Variants in HYCC2 observed in about 807,000 individuals in gnomAD.
HYCC2 encodes hyccin 2.
chr2:201,028,573 G>A, the HYCC2 span, among the ~76,000 whole-genome samples: 1 of 152,098 alleles, frequency 6.6e-6, no homozygotes, highest in Non-Finnish European at 1.5e-5. Flanking sequence ...ATACTACAAG[G>A]CTACAGTAAC....
chr2:200,984,353 T>C, the HYCC2 span, among the ~76,000 whole-genome samples: 262 of 152,294 alleles, frequency 1.7e-3, no homozygotes, highest in African/African-American at 6.0e-3. Flanking sequence ...TTAGTAATAA[T>C]CTTAACTCCA....
the HYCC2 span, chr2:200,992,286 G>C: frequency 6.3e-7 from 1 of 1,589,594 alleles, no homozygotes; most frequent in Non-Finnish European, 8.6e-7. Flanking sequence ...CTTACCAATA[G>C]TGGTTGAGAA....
the HYCC2 span, among the ~76,000 whole-genome samples, chr2:201,005,096 G>T: frequency 1.3e-5 from 2 of 151,822 alleles, no homozygotes; most frequent in Non-Finnish European, 2.9e-5. Flanking sequence ...AAGCAATTGC[G>T]TGGAATGAAA....
the HYCC2 span, among the ~76,000 whole-genome samples, chr2:200,987,946 T>G: frequency 3.3e-5 from 5 of 152,336 alleles, no homozygotes; most frequent in Admixed American, 3.3e-4. Context: ...AGTGCTCATA[T>G]GTGCACCTTT....
At chr2:201,013,395 C>T in the HYCC2 span, among the ~76,000 whole-genome samples, 2 of 151,192 alleles carry the variant, frequency 1.3e-5, no homozygotes, top group African/African-American at 4.9e-5. Flanking sequence ...ACTTGAACCC[C>T]GGAAGTAAAC....
chr2:200,991,303 C>G, the HYCC2 span, among the ~76,000 whole-genome samples: 1 of 151,970 alleles, frequency 6.6e-6, no homozygotes, highest in Non-Finnish European at 1.5e-5. Context: ...AACTCCATCT[C>G]TACTAAAAAT....
the HYCC2 span, among the ~76,000 whole-genome samples, chr2:201,049,939 A>G: frequency 3.3e-5 from 5 of 152,046 alleles, no homozygotes; most frequent in African/African-American, 1.2e-4. Context: ...GGCTCAGGCA[A>G]TCCTCCTGCC....
the HYCC2 span, among the ~76,000 whole-genome samples, chr2:201,036,601 C>A: frequency 6.6e-6 from 1 of 152,152 alleles, no homozygotes; most frequent in Non-Finnish European, 1.5e-5. Context: ...AAACGCAAAT[C>A]AATAAAAGTA....
chr2:201,003,995 A>G, the HYCC2 span, among the ~76,000 whole-genome samples: 3 of 151,662 alleles, frequency 2.0e-5, no homozygotes, highest in Non-Finnish European at 4.4e-5. Context: ...TTGTATTTTT[A>G]GTGAGACAGG....
chr2:201,035,191 G>A, the HYCC2 span, among the ~76,000 whole-genome samples: 9 of 152,220 alleles, frequency 5.9e-5, no homozygotes, highest in Admixed American at 5.9e-4. Context: ...ATCTCCTGCA[G>A]AGTGTTTTCC....
At chr2:200,977,182 T>G in the HYCC2 span, 3 of 152,204 alleles carry the variant, frequency 2.0e-5, no homozygotes, top group African/African-American at 7.2e-5. Context: ...TTTTCTGGAT[T>G]TAACACTTTT....
the HYCC2 span, among the ~76,000 whole-genome samples, chr2:201,035,134 T>A: frequency 6.6e-6 from 1 of 152,176 alleles, no homozygotes; most frequent in Admixed American, 6.6e-5. Flanking sequence ...ATTTCCTGAA[T>A]TTGAATGTTG....
At chr2:201,034,555 T>C in the HYCC2 span, among the ~76,000 whole-genome samples, 3 of 152,174 alleles carry the variant, frequency 2.0e-5, no homozygotes, top group Admixed American at 6.5e-5. Flanking sequence ...CTTGACTCTT[T>C]ATCCAATTTG....
At chr2:201,022,655 C>A in the HYCC2 span, 2 of 432,712 alleles carry the variant, frequency 4.6e-6, no homozygotes, top group East Asian at 7.7e-5. Context: ...CAAAACATTT[C>A]AAAATATGGA....
the HYCC2 span, among the ~76,000 whole-genome samples, chr2:201,025,935 T>A: frequency 6.6e-6 from 1 of 152,120 alleles, no homozygotes; most frequent in Non-Finnish European, 1.5e-5. Flanking sequence ...TGCGCTAATA[T>A]CATGATAGGA....
At chr2:201,027,187 T>C in the HYCC2 span, among the ~76,000 whole-genome samples, 1 of 152,070 alleles carries the variant, frequency 6.6e-6, no homozygotes, top group Non-Finnish European at 1.5e-5. Context: ...TATAAACAAT[T>C]CTACGCAAAT....
chr2:201,047,361 T>C, the HYCC2 span, among the ~76,000 whole-genome samples: 1 of 148,768 alleles, frequency 6.7e-6, no homozygotes, highest in Non-Finnish European at 1.5e-5. Flanking sequence ...AAAGGGAAAG[T>C]AGTGAAAGGA....
chr2:201,011,920 G>A, the HYCC2 span, among the ~76,000 whole-genome samples: 1 of 152,110 alleles, frequency 6.6e-6, no homozygotes, highest in Non-Finnish European at 1.5e-5. Context: ...AATACAGAAT[G>A]AATTTTTTCC....
chr2:201,064,160 T>C, the HYCC2 span: 1 of 839,856 alleles, frequency 1.2e-6, no homozygotes, highest in Non-Finnish European at 2.0e-6. Flanking sequence ...AGGGCCTAGC[T>C]GCTACAAAGA....
Sources: gnomAD v4.1 joint callset for allele counts (sites outside exome capture counted in the v4.1 genomes callset) on GRCh38, gnomAD v4.1.1 for gene constraint, MANE v1.5 for transcripts, NCBI Gene and HGNC (gene_info 2026-07-23, HGNC 2026-07-21) for gene names.